The following CHST9 variants were observed in gnomAD, a reference collection of about 807,000 sequenced individuals.
CHST9 encodes GalNAc-4-sulfotransferase 2.
CHST9 carries 41 observed loss-of-function variants against 44.4 expected under a neutral mutation model. The observed-to-expected ratio is 0.92, with a 90% confidence interval of 0.72 to 1.20. CHST9 has a LOEUF of 1.20. Among genes scored for constraint, CHST9 ranks in the 50% most tolerant of loss-of-function variants. CHST9 has a pLI of 0.00. For missense variants in CHST9, 504 were observed against 516.5 expected (o/e 0.98, Z 0.23); for synonymous variants, 171 against 178.4 (o/e 0.96, Z 0.33).
chr18:27,037,533 T>TA (rs1466432414), intron 3 of CHST9, among the ~76,000 whole-genome samples: 4 of 152,040 alleles, frequency 2.6e-5, no homozygotes, highest in South Asian at 2.1e-4. Context: ...TTACTAAAAA[T>TA]AAAAAAAATT....
At chr18:27,094,724 C>A (rs2058100769) in intron 2 of CHST9, among the ~76,000 whole-genome samples, 1 of 152,126 alleles carries the variant, frequency 6.6e-6, no homozygotes, top group Non-Finnish European at 1.5e-5. Context: ...CTCCAATTAA[C>A]CCTCATGGCA....
intron 2 of CHST9, 38 bp downstream of exon 2, chr18:27,142,651 T>G: frequency 6.9e-7 from 1 of 1,443,782 alleles, no homozygotes; most frequent in Non-Finnish European, 9.3e-7. Context: ...TAGCTATTAT[T>G]GTTACAATTA....
At chr18:26,942,499 AAT>A (rs1466997728) in intron 5 of CHST9, among the ~76,000 whole-genome samples, 2 of 152,210 alleles carry the variant, frequency 1.3e-5, no homozygotes, top group African/African-American at 4.8e-5. Flanking sequence ...ATTATGAGTA[AAT>A]ATTTGGCATT....
chr18:27,025,090 C>T (rs1437572058), intron 3 of CHST9, among the ~76,000 whole-genome samples: 1 of 147,262 alleles, frequency 6.8e-6, no homozygotes, highest in African/African-American at 2.5e-5. Flanking sequence ...TATAATACAA[C>T]ATATTATAAC....
chr18:27,030,858 C>T (rs927479598), intron 3 of CHST9, among the ~76,000 whole-genome samples: 7 of 152,198 alleles, frequency 4.6e-5, no homozygotes, highest in Non-Finnish European at 5.9e-5. Flanking sequence ...AGCCCTCATT[C>T]CCTCACCTTC....
intron 2 of CHST9, among the ~76,000 whole-genome samples, chr18:27,055,698 CT>C (rs1191595176): frequency 3.9e-5 from 6 of 152,080 alleles, no homozygotes; most frequent in Non-Finnish European, 8.8e-5. Context: ...CCAAAAATTC[CT>C]GCTTATTGGT....
chr18:27,144,348 G>T (rs1012713527), intron 1 of CHST9, among the ~76,000 whole-genome samples: 4 of 152,162 alleles, frequency 2.6e-5, no homozygotes, highest in Non-Finnish European at 5.9e-5. Context: ...GAAATTGCTT[G>T]TCTGGTTAAA....
At chr18:26,950,929 G>T (rs1310979489) in intron 4 of CHST9, among the ~76,000 whole-genome samples, 1 of 151,942 alleles carries the variant, frequency 6.6e-6, no homozygotes, top group Non-Finnish European at 1.5e-5. Context: ...CTCATATTTG[G>T]GTCTTATCCC....
intron 2 of CHST9, among the ~76,000 whole-genome samples, chr18:27,086,506 A>G (rs911676019): frequency 1.3e-5 from 2 of 152,198 alleles, no homozygotes; most frequent in African/African-American, 2.4e-5. Flanking sequence ...CATCTCACTG[A>G]ATTCTGACAG....
chr18:27,071,447 T>C (rs1373138140), intron 2 of CHST9, among the ~76,000 whole-genome samples: 1 of 152,220 alleles, frequency 6.6e-6, no homozygotes, highest in Admixed American at 6.5e-5. Flanking sequence ...TTCTAACTCA[T>C]TAGATAATGA....
chr18:26,975,725 G>A (rs111741967), intron 4 of CHST9, among the ~76,000 whole-genome samples: 1,555 of 101,548 alleles, frequency 0.015, 12 homozygotes, highest in Middle Eastern at 0.018. Flanking sequence ...GTGTGTGTGT[G>A]TATATATATA....
Position 27,081,370 on chromosome 18 carries a change from G to A in CHST9, c.122-32867C>T, listed in dbSNP as rs1598707531. On this transcript the variant is annotated intron_variant, in intron 2 of 5. Coordinates refer to ENST00000618847, the MANE Select transcript of CHST9 (RefSeq NM_031422.6). ...AAAAACAAAAAAGAAGAAAAGAAAA[G>A]AAAAAAGAATCAACATCAGACGAAG... Among the ~76,000 whole-genome samples, 5 of 152,154 alleles carry A rather than the reference G, an allele frequency of 3.3e-5. No individual in the cohort carries two copies. In the South Asian group the frequency reaches 1.0e-3, roughly 32 times the overall value.
intron 1 of CHST9, among the ~76,000 whole-genome samples, chr18:27,160,342 G>A (rs540375444): frequency 3.9e-5 from 6 of 152,228 alleles, no homozygotes; most frequent in Admixed American, 2.6e-4. Flanking sequence ...TTTGTCGAAG[G>A]CCTTTTCTGC....
chr18:26,979,532 G>T, intron 4 of CHST9, among the ~76,000 whole-genome samples: 1 of 151,712 alleles, frequency 6.6e-6, no homozygotes. Flanking sequence ...TCCTTTGGTA[G>T]CTCCCCATGT....
At chr18:27,109,324 G>T (rs943330806) in intron 2 of CHST9, among the ~76,000 whole-genome samples, 9 of 151,912 alleles carry the variant, frequency 5.9e-5, no homozygotes, top group African/African-American at 2.2e-4. Context: ...ACAAGCTGTT[G>T]GTTCTTGGGA....
chr18:26,916,159 T>C lies in CHST9; in HGVS notation c.*100A>G, dbSNP rs1454645091. 14 of 977,680 alleles carry C rather than the reference T, an allele frequency of 1.4e-5. No individual in the cohort carries two copies. The East Asian group carries it at 3.4e-4, about 24-fold the overall frequency. The allele number at this position is 977,680 out of a possible 1,614,324, so 60.6% of individuals were successfully genotyped here. The stretch of plus-strand genomic sequence containing the variant: ...CTACATTAAATCAAGACAACTGCAC[T>C]TGGTTAAATTTCTGTCATACAGAGA... On this transcript the variant is annotated 3_prime_UTR_variant, in exon 6 of 6. Coordinates refer to ENST00000618847, the MANE Select transcript of CHST9 (RefSeq NM_031422.6).
At chr18:27,046,134 T>C (rs1055845287) in intron 3 of CHST9, among the ~76,000 whole-genome samples, 6 of 6,666 alleles carry the variant, frequency 9.0e-4, no homozygotes, top group Non-Finnish European at 1.6e-3. Flanking sequence ...AACATTCTTT[T>C]AGGGGGTGCC....
intron 4 of CHST9, among the ~76,000 whole-genome samples, chr18:26,986,493 G>C (rs1296992898): frequency 1.3e-5 from 2 of 152,086 alleles, no homozygotes; most frequent in Non-Finnish European, 2.9e-5. Flanking sequence ...CCTGAAAAGA[G>C]GAGAGGAAGA....
chr18:26,919,085 T>C (rs1282239980), intron 5 of CHST9, among the ~76,000 whole-genome samples: 1 of 152,122 alleles, frequency 6.6e-6, no homozygotes, highest in African/African-American at 2.4e-5. Flanking sequence ...CTTGTGAGAC[T>C]TATTCACTAT....
Sources: gnomAD v4.1 joint callset for allele counts (sites outside exome capture counted in the v4.1 genomes callset) on GRCh38, gnomAD v4.1.1 for gene constraint, MANE v1.5 for transcripts, NCBI Gene and HGNC (gene_info 2026-07-23, HGNC 2026-07-21) for gene names.